PGBD5: variants seen among roughly 807,000 people sequenced by gnomAD.
The protein encoded by PGBD5 is piggyBac transposable element-derived protein 5.
In PGBD5, 14 loss-of-function variants were observed where a neutral mutation model predicts 47.9. That is an observed-to-expected ratio of 0.29 (90% CI 0.19 to 0.46). The LOEUF (loss-of-function observed/expected upper bound fraction) is 0.46. PGBD5 is among the 20% of genes least tolerant of loss of function. The pLI, the probability that PGBD5 is intolerant of heterozygous loss-of-function variation, is 1.00. For missense variants in PGBD5, 635 were observed against 716.0 expected (o/e 0.89, Z 1.29); for synonymous variants, 316 against 306.3 (o/e 1.03, Z -0.33).
chr1:230,377,645 C>G, intron 1 of PGBD5: 2 of 1,483,202 alleles, frequency 1.3e-6, no homozygotes, highest in Non-Finnish European at 1.8e-6. Flanking sequence ...AACAGGTGCC[C>G]TGGTCAAGGT....
At chr1:230,414,965 C>T (rs1049925460) in intron 1 of PGBD5, among the ~76,000 whole-genome samples, 6 of 152,178 alleles carry the variant, frequency 3.9e-5, no homozygotes, top group Admixed American at 6.5e-5. Context: ...CTTCCCCAAA[C>T]GCATAAAGTG....
At chr1:230,329,089 C>T (rs1392780220) in intron 5 of PGBD5, among the ~76,000 whole-genome samples, 2 of 150,932 alleles carry the variant, frequency 1.3e-5, no homozygotes, top group African/African-American at 4.9e-5. Context: ...GCTTGGACTA[C>T]TACAGCTACG....
intron 1 of PGBD5, among the ~76,000 whole-genome samples, chr1:230,360,981 G>A (rs1405000366): frequency 1.3e-5 from 2 of 152,208 alleles, no homozygotes; most frequent in African/African-American, 4.8e-5. Context: ...GAAGGACGCA[G>A]CCCAAGGGCA....
chr1:230,355,123 AC>A (rs1365750519), intron 2 of PGBD5, among the ~76,000 whole-genome samples: 1 of 152,150 alleles, frequency 6.6e-6, no homozygotes, highest in Non-Finnish European at 1.5e-5. Context: ...TGTTCCTGGT[AC>A]CCCGGTACTG....
rs80274528 is a variant in PGBD5 at position 230,371,170 on chromosome 1, A to G, written c.332-13849T>C. Among the ~76,000 whole-genome samples the G allele has an allele frequency of 5.1e-4, 77 of 152,356 alleles. 1 individual carries two copies. The East Asian group carries it at 0.013, about 26-fold the overall frequency. Reference sequence around the variant, plus strand: ...TCTGTGCATACTTAAAATGAGTTTTAACTTTCAAACCCAAAAGCTATTCTA... The same window carrying G: ...TCTGTGCATACTTAAAATGAGTTTTGACTTTCAAACCCAAAAGCTATTCTA... On this transcript the variant is annotated intron_variant, in intron 1 of 6. Transcript: ENST00000391860.
chr1:230,392,721 C>A (rs1382175651), intron 1 of PGBD5, among the ~76,000 whole-genome samples: 2 of 152,162 alleles, frequency 1.3e-5, no homozygotes, highest in Non-Finnish European at 2.9e-5. Flanking sequence ...CAAGGAAATC[C>A]CCCGTGCGGC....
At chr1:230,412,430 C>T (rs1042620814) in intron 1 of PGBD5, among the ~76,000 whole-genome samples, 1 of 148,748 alleles carries the variant, frequency 6.7e-6, no homozygotes, top group Non-Finnish European at 1.5e-5. Flanking sequence ...GCTCTGTTGC[C>T]CAGGCTGGAG....
chr1:230,350,860 T>C (rs966552456), intron 3 of PGBD5, 98 bp downstream of exon 3: 26 of 1,508,046 alleles, frequency 1.7e-5, no homozygotes, highest in South Asian at 5.2e-5. Context: ...GAAAAGGGTA[T>C]GTGAACAAGT....
chr1:230,368,024 C>T (rs1164892876), intron 1 of PGBD5: 2 of 1,367,764 alleles, frequency 1.5e-6, no homozygotes, highest in South Asian at 2.3e-5. Flanking sequence ...ACACCACACC[C>T]CACATAGGCA....
intron 1 of PGBD5, among the ~76,000 whole-genome samples, chr1:230,386,398 A>G (rs937054976): frequency 1.3e-5 from 2 of 152,002 alleles, no homozygotes. Flanking sequence ...TCTAATTAGT[A>G]CTGTGATGTG....
In PGBD5 at chr1:230,417,564, C is replaced by G. The variant is rs148701286; in HGVS notation, c.331+8034G>C. Among the ~76,000 whole-genome samples, 63 of 152,384 alleles carry G rather than the reference C, an allele frequency of 4.1e-4. 1 individual carries two copies. In the East Asian group the frequency reaches 0.011, roughly 27 times the overall value. On this transcript the variant is annotated intron_variant, in intron 1 of 6. Coordinates refer to ENST00000391860, the MANE Select transcript of PGBD5 (RefSeq NM_001258311.2). The stretch of plus-strand genomic sequence containing the variant: ...GGCAAAATGGCACGCCTTCTCTCCC[C>G]TTTGCTCAAATGGCTCTCTTGTTTG...
chr1:230,371,817 G>A (rs1006395556), intron 1 of PGBD5, among the ~76,000 whole-genome samples: 6 of 152,188 alleles, frequency 3.9e-5, no homozygotes, highest in African/African-American at 1.4e-4. Context: ...TCTACCGAGT[G>A]ACAGAGCCTG....
intron 1 of PGBD5, among the ~76,000 whole-genome samples, chr1:230,405,592 T>C (rs1657281750): frequency 6.6e-6 from 1 of 152,244 alleles, no homozygotes; most frequent in Non-Finnish European, 1.5e-5. Context: ...GATTTTTGGC[T>C]GTGTGGGAGG....
At chr1:230,367,982 A>G (rs747613066) in intron 1 of PGBD5, 2 of 1,367,802 alleles carry the variant, frequency 1.5e-6, no homozygotes, top group South Asian at 2.3e-5. Flanking sequence ...CAAGCTGGAC[A>G]CCAAGGAGCT....
At chr1:230,333,185 C>T in intron 4 of PGBD5, 144 bp from the exon 5 acceptor site, 1 of 775,652 alleles carries the variant, frequency 1.3e-6, no homozygotes, top group South Asian at 1.8e-5. Context: ...AGAGACCCCT[C>T]TAGAAGAGAC....
intron 1 of PGBD5, among the ~76,000 whole-genome samples, chr1:230,421,670 G>A (rs937419010): frequency 1.3e-4 from 20 of 152,184 alleles, no homozygotes; most frequent in South Asian, 2.1e-4. Context: ...AGCTCTCCCA[G>A]GAAGCTCCCT....
At chr1:230,396,099 C>CGTCTTCCCTTTGCTTCCCTCT (rs1274456061) in intron 1 of PGBD5, among the ~76,000 whole-genome samples, 2 of 147,602 alleles carry the variant, frequency 1.4e-5, no homozygotes, top group African/African-American at 5.1e-5. Flanking sequence ...TCTGCTCCTC[C>CGTCTTCCCTTTGCTTCCCTCT]TACTGCTCCA....
chr1:230,323,470 G>A lies in PGBD5; in HGVS notation c.1530C>T (p.Leu510=), dbSNP rs772756561. The change falls in exon 7 of 7, where the codon CTC becomes CTT. Residue 510 remains leucine (L), a synonymous_variant. Transcript: ENST00000391860. The surrounding 1 kb of genome is among the most constrained non-coding windows in gnomAD (Gnocchi z 4.1). Reference sequence around the variant, plus strand: ...CCTCCAAGCCCAGCAGCTCTCTGACGAGTCTCTCTCCAAACTGCGCCCGGC... The same window carrying A: ...CCTCCAAGCCCAGCAGCTCTCTGACAAGTCTCTCTCCAAACTGCGCCCGGC... ...RYSRAQFGER[L]VRELLGLEDA... is the part of the protein sequence containing the mutation. 27 of 1,614,030 alleles carry A rather than the reference G, an allele frequency of 1.7e-5. No homozygotes were observed. Among genetic ancestry groups the A allele is most frequent in the African/African-American group, 9.3e-5 (7 of 74,904 alleles).
intron 1 of PGBD5, among the ~76,000 whole-genome samples, chr1:230,404,925 C>CAAAAA (rs57462323): frequency 2.0e-4 from 13 of 66,190 alleles, no homozygotes; most frequent in African/African-American, 7.5e-4. Context: ...AACTCCATCT[C>CAAAAA]AAAAAAAAAA....
Sources: gnomAD v4.1 joint callset for allele counts (sites outside exome capture counted in the v4.1 genomes callset) on GRCh38, gnomAD v4.1.1 for gene constraint, Gnocchi (gnomAD v3.1) non-coding constraint, MANE v1.5 for transcripts, NCBI Gene and HGNC (gene_info 2026-07-23, HGNC 2026-07-21) for gene names.